RPH3AL: variants seen among roughly 807,000 people sequenced by gnomAD.
RPH3AL encodes the protein rabphilin 3A like (without C2 domains).
RPH3AL carries 38 observed loss-of-function variants against 43.1 expected under a neutral mutation model. The ratio of observed to expected loss-of-function variants is 0.88; its 90% CI spans 0.68 to 1.15. RPH3AL has a LOEUF of 1.15. Ranked by LOEUF, RPH3AL falls within the 50% of genes most tolerant of loss-of-function variation. RPH3AL has a pLI of 0.00. For synonymous variants in RPH3AL, 189 were observed against 176.3 expected (o/e 1.07, Z -0.57); for missense variants, 462 against 423.2 (o/e 1.09, Z -0.81).
chr17:329,721 C>G (rs982246084), intron 2 of RPH3AL, among the ~76,000 whole-genome samples: 1 of 152,164 alleles, frequency 6.6e-6, no homozygotes, highest in African/African-American at 2.4e-5. Context: ...TTTGACTTCA[C>G]AAAAAACAGC....
chr17:246,967 T>G lies in RPH3AL; in HGVS notation c.613+144A>C, dbSNP rs1451585333. On this transcript the variant is annotated intron_variant, in intron 7 of 9. Transcript: ENST00000331302. The surrounding 1 kb of genome is among the most constrained non-coding windows in gnomAD (Gnocchi z 4.8). ...GCTCACTCGGGAGAAGGTGTGGAGCTGAGGGCACAGGGAGGGACGCATCAC... is the reference window on the plus strand; with the variant it reads ...GCTCACTCGGGAGAAGGTGTGGAGCGGAGGGCACAGGGAGGGACGCATCAC... 1 of 869,424 alleles carries G rather than the reference T, an allele frequency of 1.2e-6. No homozygotes were observed. The highest frequency in any genetic ancestry group is 1.9e-6 in the Non-Finnish European group (1 of 537,000). 53.9% of individuals were successfully genotyped at this position (869,424 alleles called of 1,614,324 possible). A position where few individuals can be genotyped will look rare whatever the true frequency, so the allele number is the denominator to read the frequency against.
rs769425581 is a variant in RPH3AL, at chr17:321,380, G to C, written c.113C>G (p.Thr38Arg). The C allele has an allele frequency of 1.9e-6, 3 of 1,610,988 alleles. No individual in the cohort carries two copies. Among genetic ancestry groups the C allele is most frequent in the African/African-American group, 1.3e-5 (1 of 74,964 alleles). Residue 38 changes from threonine to arginine, a missense_variant, in exon 4 of 10, where the codon ACG (threonine) becomes AGG (arginine). By Grantham distance (71) the Thr-to-Arg change is moderately conservative (BLOSUM62 -1). Transcript: ENST00000331302. ...QTGWSVHTYQ[T>R]EKQRRKQHLS... ...GTGCTGCTTCCTCCTCTGCTTCTCC[G>C]TCTGGTAGGTGTGCACGGACCAGCC...
intron 6 of RPH3AL, among the ~76,000 whole-genome samples, chr17:258,121 G>A (rs544193349): frequency 2.6e-5 from 4 of 152,288 alleles, no homozygotes; most frequent in Middle Eastern, 6.8e-3. Context: ...TCCCCTGTAC[G>A]GATGGATCAC....
chr17:316,148 A>C lies in RPH3AL; in HGVS notation c.351+3272T>G, dbSNP rs537447332. ...CATTGACCTGCAGTCCCTGTGCTCC[A>C]CCTCCATTGACCTGTAGTCCCTGTG... On this transcript the variant is annotated intron_variant, in intron 5 of 9. Coordinates refer to ENST00000331302, the MANE Select transcript of RPH3AL (RefSeq NM_006987.4). Among the ~76,000 whole-genome samples the C allele has an allele frequency of 6.1e-3, 828 of 135,086 alleles. 3 individuals are homozygous for C. The highest frequency in any genetic ancestry group is 0.012 in the East Asian group (53 of 4,588). The allele number at this position is 135,086 out of a possible 152,430, so 88.6% of individuals were successfully genotyped here. A position where few individuals can be genotyped will look rare whatever the true frequency, so the allele number is the denominator to read the frequency against.
chr17:312,703 A>G (rs888590493), intron 5 of RPH3AL, among the ~76,000 whole-genome samples: 3 of 152,208 alleles, frequency 2.0e-5, no homozygotes, highest in African/African-American at 7.2e-5. Context: ...CTCCTGCACT[A>G]TTGCATCCAT....
At position 295,342 on chromosome 17, in the gene RPH3AL, C is replaced by A. The variant is rs1337746092; in HGVS notation, c.352-13488G>T. On this transcript the variant is annotated intron_variant, in intron 5 of 9. Transcript: ENST00000331302. ...CATCAGTGTGGGAGGGACAGAGGAG[C>A]TGCAGAAATGGACGGGCAGAGGGAA... is the stretch of plus-strand genomic sequence containing the variant. Among the ~76,000 whole-genome samples, 3 of 146,000 alleles carry A rather than the reference C, an allele frequency of 2.1e-5. No homozygotes were observed. The East Asian group carries it at 6.2e-4, about 30-fold the overall frequency.
intron 8 of RPH3AL, among the ~76,000 whole-genome samples, chr17:216,821 G>C (rs2040814315): frequency 6.6e-6 from 1 of 152,152 alleles, no homozygotes; most frequent in Non-Finnish European, 1.5e-5. Context: ...GGGCTCTGTG[G>C]AAAGAGTATC....
intron 6 of RPH3AL, among the ~76,000 whole-genome samples, chr17:266,266 A>G (rs2042320437): frequency 6.7e-6 from 1 of 150,330 alleles, no homozygotes; most frequent in African/African-American, 2.5e-5. Context: ...GCCAGGGAGA[A>G]AGCCCCCATC....
At chr17:303,207 C>T (rs2043374024) in intron 5 of RPH3AL, among the ~76,000 whole-genome samples, 1 of 152,052 alleles carries the variant, frequency 6.6e-6, no homozygotes. Context: ...GCCTGGGCAA[C>T]ATAACAAGGC....
At chr17:305,452 C>T (rs182834733) in intron 5 of RPH3AL, among the ~76,000 whole-genome samples, 1 of 152,220 alleles carries the variant, frequency 6.6e-6, no homozygotes, top group African/African-American at 2.4e-5. Context: ...ACACCAACCT[C>T]CTAGCCCCTG....
At chr17:334,381 C>T (rs945315040) in intron 1 of RPH3AL, among the ~76,000 whole-genome samples, 1 of 152,264 alleles carries the variant, frequency 6.6e-6, no homozygotes, top group Non-Finnish European at 1.5e-5. Context: ...CGGCAAACAC[C>T]CACGGAGTCT....
rs758078760 is a variant in RPH3AL, at chr17:281,809, G to A, written c.397C>T (p.Arg133Trp). Residue 133 changes from arginine to tryptophan, a missense_variant, in exon 6 of 10, where the codon CGG becomes TGG. Physicochemically the swap from Arg to Trp is moderately radical, Grantham distance 101. Coordinates refer to ENST00000331302, the MANE Select transcript of RPH3AL (RefSeq NM_006987.4). ...CGIEASPGQK[R>W]PLWLCKICSE... The stretch of plus-strand genomic sequence containing the variant: ...CAGATCTTACACAGCCACAGGGGCC[G>A]CTTCTGGCCAGGGGAGGCCTCGATC... 1.2e-5 allele frequency: 19 copies of A among 1,613,944 alleles called. No homozygotes were observed. The highest frequency in any genetic ancestry group is 8.9e-5 in the East Asian group (4 of 44,892).
At chr17:294,387 G>A (rs1294095546) in intron 5 of RPH3AL, among the ~76,000 whole-genome samples, 1 of 152,208 alleles carries the variant, frequency 6.6e-6, no homozygotes, top group African/African-American at 2.4e-5. Flanking sequence ...TCAGAAGGTC[G>A]AGGCTGCAGT....
chr17:214,002 G>GA, intron 9 of RPH3AL, 79 bp from the exon 10 acceptor site: 1 of 1,080,530 alleles, frequency 9.3e-7, no homozygotes, highest in Non-Finnish European at 1.4e-6. Context: ...CGGCCTTTGG[G>GA]AATGAGATGG....
chr17:293,885 C>T (rs1169859623), intron 5 of RPH3AL, among the ~76,000 whole-genome samples: 4 of 151,986 alleles, frequency 2.6e-5, no homozygotes, highest in South Asian at 2.1e-4. Context: ...AAAAATTAGC[C>T]GGGCGCGGTG....
intron 5 of RPH3AL, among the ~76,000 whole-genome samples, chr17:304,938 G>A: frequency 1.3e-5 from 1 of 75,660 alleles, no homozygotes; most frequent in Non-Finnish European, 3.0e-5. Context: ...GGCGAGAGGG[G>A]GACAGGGCGA....
intron 6 of RPH3AL, among the ~76,000 whole-genome samples, chr17:258,545 C>A (rs1195592223): frequency 6.6e-6 from 1 of 152,124 alleles, no homozygotes; most frequent in Non-Finnish European, 1.5e-5. Context: ...TGCTCCCAGC[C>A]TCTCCTCCCC....
At chr17:221,645 C>G (rs1475278767) in intron 7 of RPH3AL, among the ~76,000 whole-genome samples, 1 of 145,884 alleles carries the variant, frequency 6.9e-6, no homozygotes, top group Non-Finnish European at 1.5e-5. Flanking sequence ...GGGCTCCACT[C>G]ACTGAGACAA....
rs148422036 is a variant in RPH3AL at position 304,580 on chromosome 17, C to G, written c.351+14840G>C. 4.1e-3 allele frequency among the ~76,000 whole-genome samples: 626 copies of G among 152,248 alleles called. 8 individuals carry two copies. Among genetic ancestry groups the G allele is most frequent in the African/African-American group, 0.014 (601 of 41,552 alleles). ...GGGAAGGAAGTCAGGCCCCTTCTCA[C>G]TCTGAGCAGCTGGTGCCTGGGATTT... On this transcript the variant is annotated intron_variant, in intron 5 of 9. Transcript: ENST00000331302.
Sources: allele counts gnomAD v4.1 joint callset (sites outside exome capture counted in the v4.1 genomes callset), GRCh38; gene constraint gnomAD v4.1.1; non-coding constraint Gnocchi (gnomAD v3.1); transcripts MANE v1.5; gene names NCBI Gene and HGNC (gene_info 2026-07-23, HGNC 2026-07-21).